Variants in PRPSAP1 observed in about 807,000 individuals in gnomAD.
The protein encoded by PRPSAP1 is phosphoribosyl pyrophosphate synthetase associated protein 1, also known as phosphoribosyl pyrophosphate synthase-associated protein 1.
In PRPSAP1, 31 loss-of-function variants were observed where a neutral mutation model predicts 39.4. The observed-to-expected ratio is 0.79, with a 90% CI of 0.59 to 1.06. The LOEUF is 1.06. Among genes scored for constraint, PRPSAP1 ranks in the 50% least tolerant of loss-of-function variants. The pLI is 0.00. For missense variants in PRPSAP1, 430 were observed against 511.6 expected, an observed-to-expected ratio of 0.84 and a Z score of 1.54; for synonymous variants, 212 against 192.6, an observed-to-expected ratio of 1.10 and a Z score of -0.83.
intron 7 of PRPSAP1, among the ~76,000 whole-genome samples, chr17:76,325,133 G>C (rs1390768399): frequency 6.7e-6 from 1 of 148,176 alleles, no homozygotes; most frequent in East Asian, 2.0e-4. Flanking sequence ...CCTGGGTCCG[G>C]GCACAGTGGT....
chr17:76,316,376 A>G (rs111785234), intron 7 of PRPSAP1, among the ~76,000 whole-genome samples: 4 of 152,136 alleles, frequency 2.6e-5, no homozygotes, highest in Non-Finnish European at 4.4e-5. Context: ...AGGCTAAAAA[A>G]GGCTAAAATG....
At chr17:76,337,954 C>T (rs2071396599) in intron 3 of PRPSAP1, among the ~76,000 whole-genome samples, 1 of 152,076 alleles carries the variant, frequency 6.6e-6, no homozygotes, top group Admixed American at 6.6e-5. Flanking sequence ...CACACTAGAA[C>T]TTGTACATAA....
chr17:76,340,287 T>C (rs1292728213), intron 3 of PRPSAP1, among the ~76,000 whole-genome samples: 2 of 151,764 alleles, frequency 1.3e-5, no homozygotes, highest in East Asian at 1.9e-4. Context: ...CACCTGACCA[T>C]GGTCCAATTT....
intron 3 of PRPSAP1, 22 bp from the exon 4 acceptor site, chr17:76,332,457 T>C: frequency 1.2e-6 from 2 of 1,612,372 alleles, no homozygotes; most frequent in Non-Finnish European, 1.7e-6. Context: ...AAAGTTTGTA[T>C]TTGGGGATTA....
At chr17:76,330,511 T>C in intron 5 of PRPSAP1, 40 bp downstream of exon 5, 1 of 1,417,488 alleles carries the variant, frequency 7.1e-7, no homozygotes, top group Non-Finnish European at 9.8e-7. Context: ...AAATAAGATC[T>C]CTTTTGAGGA....
chr17:76,332,425 T>C lies in PRPSAP1; in HGVS notation c.301A>G (p.Thr101Ala), dbSNP rs1567804169. 6.2e-7 allele frequency: 1 copy of C among 1,614,174 alleles called. No individual in the cohort carries two copies. The stretch of plus-strand genomic sequence containing the variant: ...ATGATGAGCAACTCCATCACAGCTG[T>C]ATTCACATCTCTGAAACAGTCAAAG... ...IIQTIPRDVN[T>A]AVMELLIMAY... Residue 101 changes from threonine (T) to alanine (A), a missense_variant, in exon 4 of 10, where the codon ACA (threonine) becomes GCA (alanine). This residue lies in a region of PRPSAP1 where 278 missense variants were observed against 376.3 expected (regional missense o/e 0.74). Transcript: ENST00000446526.
At chr17:76,329,076 T>C (rs2071287965) in intron 6 of PRPSAP1, 1 of 297,836 alleles carries the variant, frequency 3.4e-6, no homozygotes. Context: ...TTCTAGACAT[T>C]TTTTTTTTTT....
At chr17:76,338,244 G>A (rs1244329354) in intron 3 of PRPSAP1, among the ~76,000 whole-genome samples, 1 of 152,142 alleles carries the variant, frequency 6.6e-6, no homozygotes, top group Non-Finnish European at 1.5e-5. Flanking sequence ...AGGTATCTAT[G>A]TGATTTTAGA....
At chr17:76,329,847 C>T (rs972585620) in intron 6 of PRPSAP1, among the ~76,000 whole-genome samples, 196 bp downstream of exon 6, 2 of 152,080 alleles carry the variant, frequency 1.3e-5, no homozygotes, top group South Asian at 2.1e-4. Flanking sequence ...AGCTGAGCAA[C>T]TCAGCGATCA....
At chr17:76,348,825 G>A (rs1567810868) in intron 1 of PRPSAP1, among the ~76,000 whole-genome samples, 1 of 152,172 alleles carries the variant, frequency 6.6e-6, no homozygotes, top group African/African-American at 2.4e-5. Context: ...TCTGGTGCGC[G>A]TTGTTCTTTG....
intron 7 of PRPSAP1, among the ~76,000 whole-genome samples, chr17:76,317,026 C>A (rs1769844074): frequency 6.6e-6 from 1 of 152,242 alleles, no homozygotes; most frequent in African/African-American, 2.4e-5. Context: ...TTGTCTATTT[C>A]TAGTTCAATG....
intron 3 of PRPSAP1, among the ~76,000 whole-genome samples, chr17:76,339,032 CA>C (rs920626485): frequency 1.4e-5 from 2 of 147,006 alleles, no homozygotes; most frequent in Non-Finnish European, 3.0e-5. Flanking sequence ...AAACTCGTCT[CA>C]AAAAAAAAAT....
intron 7 of PRPSAP1, among the ~76,000 whole-genome samples, chr17:76,319,671 G>A (rs1435586298): frequency 6.6e-6 from 1 of 151,728 alleles, no homozygotes; most frequent in Admixed American, 6.6e-5. Context: ...GTTTCACCGT[G>A]TTGGCCAGGC....
chr17:76,349,698 T>A (rs2071547076), intron 1 of PRPSAP1, among the ~76,000 whole-genome samples: 2 of 149,816 alleles, frequency 1.3e-5, no homozygotes, highest in African/African-American at 4.9e-5. Context: ...GAGGCAGAGG[T>A]TGCCGTGAGC....
chr17:76,354,030 G>T, upstream of PRPSAP1: 1 of 1,131,110 alleles, frequency 8.8e-7, no homozygotes, highest in Non-Finnish European at 1.1e-6. Context: ...TTCTTCCGAG[G>T]GGCATGTCAC....
intron 6 of PRPSAP1, among the ~76,000 whole-genome samples, chr17:76,329,798 T>C (rs2071301128): frequency 6.6e-6 from 1 of 152,174 alleles, no homozygotes. Flanking sequence ...TGCTTTCCTT[T>C]CTCTGAGAAC....
intron 7 of PRPSAP1, chr17:76,314,793 C>G (rs1266520973): frequency 6.6e-6 from 1 of 152,246 alleles, no homozygotes; most frequent in Non-Finnish European, 1.5e-5. Context: ...CACAGCACAG[C>G]TGGAAAGACA....
chr17:76,320,054 G>A (rs1420121225), intron 7 of PRPSAP1, among the ~76,000 whole-genome samples: 2 of 151,936 alleles, frequency 1.3e-5, no homozygotes, highest in African/African-American at 4.8e-5. Context: ...CGGATCACTT[G>A]AGGTCAGGAG....
At chr17:76,352,293 C>G (rs1313309200) in intron 1 of PRPSAP1, among the ~76,000 whole-genome samples, 1 of 152,152 alleles carries the variant, frequency 6.6e-6, no homozygotes, top group Non-Finnish European at 1.5e-5. Flanking sequence ...GTAGAAAGGG[C>G]ATATAAGGCT....
Sources: gnomAD v4.1 joint callset for allele counts (sites outside exome capture counted in the v4.1 genomes callset) on GRCh38, gnomAD v4.1.1 for gene constraint, gnomAD v4.1.1 regional missense constraint, MANE v1.5 for transcripts, NCBI Gene and HGNC (gene_info 2026-07-23, HGNC 2026-07-21) for gene names.